Variants in PDE11A observed in about 807,000 individuals in gnomAD.
The protein encoded by PDE11A is dual 3',5'-cyclic-AMP and -GMP phosphodiesterase 11A.
In PDE11A, 100 loss-of-function variants were observed where a neutral mutation model predicts 100.5. That is an observed-to-expected ratio of 1.00 (90% CI 0.85 to 1.18). PDE11A has a LOEUF of 1.18. Ranked by LOEUF, PDE11A falls within the 50% of genes most tolerant of loss-of-function variation. The pLI is 0.00. For synonymous variants in PDE11A, 381 were observed against 420.8 expected (o/e 0.91, Z 1.16); for missense variants, 1,141 against 1,152.6 (o/e 0.99, Z 0.15).
intron 18 of PDE11A, among the ~76,000 whole-genome samples, 191 bp from the exon 19 acceptor site, chr2:177,664,140 T>C (rs2080532682): frequency 6.6e-6 from 1 of 152,234 alleles, no homozygotes; most frequent in African/African-American, 2.4e-5. Flanking sequence ...CCTCTTTTTA[T>C]GAGATTTGTA....
chr2:178,036,403 C>T (rs2086614272), intron 1 of PDE11A, among the ~76,000 whole-genome samples: 2 of 152,308 alleles, frequency 1.3e-5, no homozygotes, highest in African/African-American at 4.8e-5. Flanking sequence ...AAATTCCATG[C>T]TCATGGATAG....
chr2:178,032,350 GGCACATGCC>G (rs1229155728), intron 1 of PDE11A, among the ~76,000 whole-genome samples: 1 of 152,114 alleles, frequency 6.6e-6, no homozygotes, highest in Non-Finnish European at 1.5e-5. Context: ...TGGGCGTGGT[GGCACATGCC>G]TGTAGTCCCA....
chr2:177,930,711 C>G (rs1486757656), intron 2 of PDE11A, among the ~76,000 whole-genome samples: 1 of 152,184 alleles, frequency 6.6e-6, no homozygotes, highest in Non-Finnish European at 1.5e-5. Flanking sequence ...ACGGAAATGG[C>G]CAAACACAGA....
At chr2:177,804,711 T>TTA (rs3031403) in intron 9 of PDE11A, among the ~76,000 whole-genome samples, 121,487 of 151,252 alleles carry the variant, frequency 0.8, 49,410 homozygotes, top group East Asian at 0.94. Flanking sequence ...AAAGAAAATG[T>TTA]TATATATATA....
intron 5 of PDE11A, among the ~76,000 whole-genome samples, chr2:177,865,220 G>A (rs1283898569): frequency 1.3e-5 from 2 of 152,122 alleles, no homozygotes; most frequent in Non-Finnish European, 2.9e-5. Context: ...AGAGGTTGCC[G>A]TGAGCCGAGA....
intron 6 of PDE11A, among the ~76,000 whole-genome samples, chr2:177,824,483 C>T (rs1292444846): frequency 6.6e-6 from 1 of 152,176 alleles, no homozygotes; most frequent in Non-Finnish European, 1.5e-5. Context: ...AACCTGAAGG[C>T]TTTACTGCAT....
At chr2:178,096,882 G>A (rs1256214210) in intron 2 of PDE11A, among the ~76,000 whole-genome samples, 1 of 152,026 alleles carries the variant, frequency 6.6e-6, no homozygotes, top group African/African-American at 2.4e-5. Context: ...TGAAACTGGA[G>A]TGGCACATTT....
At chr2:178,018,455 G>A (rs190373768) in intron 1 of PDE11A, 2 of 514,058 alleles carry the variant, frequency 3.9e-6, no homozygotes, top group African/African-American at 1.9e-5. Flanking sequence ...GCCATGCTGT[G>A]GAAGCTCTGA....
At chr2:177,660,715 C>T (rs2080474313) in intron 19 of PDE11A, among the ~76,000 whole-genome samples, 2 of 152,216 alleles carry the variant, frequency 1.3e-5, no homozygotes, top group African/African-American at 4.8e-5. Context: ...CCTTCAGGCA[C>T]TGAGAGTAGT....
rs1184011577 is a variant in PDE11A at position 178,036,477 on chromosome 2, C to T, written c.913-22017G>A. ...TAACGTATAGAGCCAATGCTATTCG[C>T]ATCAAGCTACCATTAACTTTCTTCA... On this transcript the variant is annotated intron_variant, in intron 1 of 19. Coordinates refer to ENST00000286063, the MANE Select transcript of PDE11A (RefSeq NM_016953.4). Among the ~76,000 whole-genome samples, 6 of 152,130 alleles carry T rather than the reference C, an allele frequency of 3.9e-5. No homozygotes were observed. In the East Asian group the frequency reaches 7.7e-4, roughly 20 times the overall value.
intron 3 of PDE11A, among the ~76,000 whole-genome samples, chr2:177,900,482 G>T (rs930904164): frequency 6.6e-6 from 1 of 152,228 alleles, no homozygotes; most frequent in Non-Finnish European, 1.5e-5. Flanking sequence ...GTAGCTGGGT[G>T]TGGTGGCTCA....
chr2:177,657,326 G>C (rs2080404568), intron 19 of PDE11A, among the ~76,000 whole-genome samples: 1 of 152,174 alleles, frequency 6.6e-6, no homozygotes, highest in Non-Finnish European at 1.5e-5. Flanking sequence ...GGTGATGCCT[G>C]GGGCTCCTCT....
chr2:177,768,689 A>G (rs576908243), intron 10 of PDE11A, among the ~76,000 whole-genome samples: 1 of 152,306 alleles, frequency 6.6e-6, no homozygotes, highest in Admixed American at 6.5e-5. Flanking sequence ...TCATAGACTC[A>G]TCAGATGTTG....
chr2:178,071,892 C>T lies in PDE11A; in HGVS notation c.546G>A (p.Leu182=). Residue 182 remains leucine (L), a synonymous_variant, in exon 1 of 20, where the codon CTG becomes CTA. Coordinates refer to ENST00000286063, the MANE Select transcript of PDE11A (RefSeq NM_016953.4). ...CGATGGCTGTAGGGGGATACCGAGG[C>T]AGATTCACTCTCGATTCCAGCAGCG... ...LSALLESRVN[L]PRYPPTAIDY... 1 of 1,613,736 alleles carries T rather than the reference C, an allele frequency of 6.2e-7. No individual in the cohort carries two copies. Among genetic ancestry groups the T allele is most frequent in the Non-Finnish European group, 8.5e-7 (1 of 1,179,686 alleles).
At chr2:178,049,420 T>A (rs890760040) in intron 1 of PDE11A, among the ~76,000 whole-genome samples, 3 of 152,236 alleles carry the variant, frequency 2.0e-5, no homozygotes, top group South Asian at 2.1e-4. Context: ...GCTCCCAGCA[T>A]GAGTGACGCA....
intron 10 of PDE11A, among the ~76,000 whole-genome samples, chr2:177,744,371 G>A (rs551019322): frequency 7.9e-5 from 12 of 151,296 alleles, no homozygotes; most frequent in African/African-American, 2.4e-4. Flanking sequence ...ACTTTAGAGA[G>A]ATCAACATGA....
chr2:177,706,911 T>C (rs1267336141), intron 13 of PDE11A, among the ~76,000 whole-genome samples: 1 of 151,048 alleles, frequency 6.6e-6, no homozygotes, highest in Non-Finnish European at 1.5e-5. Flanking sequence ...TTTTGTAAAA[T>C]TGAGGAAGTG....
intron 4 of PDE11A, among the ~76,000 whole-genome samples, chr2:177,881,305 T>G (rs1320156239): frequency 6.6e-6 from 1 of 150,530 alleles, no homozygotes. Context: ...ATTCCTAGAA[T>G]AAATATCTTT....
At chr2:178,093,495 TAGAGAAAG>T (rs2087449483) in intron 2 of PDE11A, among the ~76,000 whole-genome samples, 1 of 152,138 alleles carries the variant, frequency 6.6e-6, no homozygotes, top group Admixed American at 6.5e-5. Flanking sequence ...TTTAAGACAA[TAGAGAAAG>T]GTTCCTTTCT....
Sources: allele counts gnomAD v4.1 joint callset (sites outside exome capture counted in the v4.1 genomes callset), GRCh38; gene constraint gnomAD v4.1.1; transcripts MANE v1.5; gene names NCBI Gene and HGNC (gene_info 2026-07-23, HGNC 2026-07-21).